MACROD1: variants seen among roughly 807,000 people sequenced by gnomAD.
The protein encoded by MACROD1 is ADP-ribose glycohydrolase MACROD1.
MACROD1 carries 31 observed loss-of-function variants against 41.4 expected under a neutral mutation model. The observed-to-expected ratio is 0.75, with a 90% CI of 0.56 to 1.01. MACROD1 has a LOEUF of 1.01. MACROD1 is among the 50% of genes least tolerant of loss of function. The pLI is 0.00. For synonymous variants in MACROD1, 252 were observed against 203.4 expected (o/e 1.24, Z -2.03); for missense variants, 473 against 460.0 (o/e 1.03, Z -0.26).
At chr11:64,003,800 C>T (rs1188288830) in intron 4 of MACROD1, among the ~76,000 whole-genome samples, 1 of 152,168 alleles carries the variant, frequency 6.6e-6, no homozygotes, top group Admixed American at 6.5e-5. Context: ...GTTTGAATGG[C>T]CCCCTGTCCA....
intron 3 of MACROD1, among the ~76,000 whole-genome samples, chr11:64,110,612 T>G (rs1254205392): frequency 6.6e-6 from 1 of 151,824 alleles, no homozygotes; most frequent in Non-Finnish European, 1.5e-5. Flanking sequence ...GGAGGAGTAA[T>G]GGACACCTAC....
intron 3 of MACROD1, among the ~76,000 whole-genome samples, chr11:64,092,633 C>T (rs1944510005): frequency 6.6e-6 from 1 of 152,250 alleles, no homozygotes; most frequent in African/African-American, 2.4e-5. Flanking sequence ...GCTGCAGGCA[C>T]GTGTGCCACT....
At chr11:64,007,557 C>A (rs1164599480) in intron 4 of MACROD1, among the ~76,000 whole-genome samples, 1 of 152,074 alleles carries the variant, frequency 6.6e-6, no homozygotes, top group Non-Finnish European at 1.5e-5. Context: ...ACAGGACCTC[C>A]CGGGAGGTGC....
intron 3 of MACROD1, among the ~76,000 whole-genome samples, chr11:64,068,507 G>C (rs1174961430): frequency 6.6e-6 from 1 of 152,226 alleles, no homozygotes; most frequent in Non-Finnish European, 1.5e-5. Flanking sequence ...TGAGGTCCTA[G>C]GATAACGATG....
At chr11:64,070,880 C>G (rs1206482265) in intron 3 of MACROD1, among the ~76,000 whole-genome samples, 1 of 152,108 alleles carries the variant, frequency 6.6e-6, no homozygotes, top group African/African-American at 2.4e-5. Flanking sequence ...ATGGGGCCCC[C>G]CTCTGGGACA....
chr11:63,999,963 C>T, intron 5 of MACROD1, 200 bp from the exon 6 acceptor site: 1 of 687,898 alleles, frequency 1.5e-6, no homozygotes, highest in Non-Finnish European at 2.4e-6. Context: ...CCCCTCCCCA[C>T]ATCTGTATGG....
intron 3 of MACROD1, among the ~76,000 whole-genome samples, chr11:64,026,468 C>T (rs1943225641): frequency 6.6e-6 from 1 of 152,226 alleles, no homozygotes; most frequent in Non-Finnish European, 1.5e-5. Context: ...CCCATGCACA[C>T]ATGCACCAGA....
At chr11:64,072,079 C>T (rs1211619263) in intron 3 of MACROD1, among the ~76,000 whole-genome samples, 2 of 152,188 alleles carry the variant, frequency 1.3e-5, no homozygotes, top group African/African-American at 4.8e-5. Context: ...GATGTGAGCC[C>T]GAATCGAATC....
intron 3 of MACROD1, among the ~76,000 whole-genome samples, chr11:64,135,702 G>A (rs1408968452): frequency 6.6e-6 from 1 of 152,180 alleles, no homozygotes; most frequent in African/African-American, 2.4e-5. Context: ...GGGGAGCAGC[G>A]CAGGGCCAGC....
intron 3 of MACROD1, among the ~76,000 whole-genome samples, chr11:64,070,568 C>G (rs910851707): frequency 6.6e-6 from 1 of 152,196 alleles, no homozygotes. Context: ...CAGGTGGGAT[C>G]CAGCCTCACC....
chr11:64,125,238 G>A (rs146343761), intron 3 of MACROD1, among the ~76,000 whole-genome samples: 1 of 152,160 alleles, frequency 6.6e-6, no homozygotes, highest in East Asian at 1.9e-4. Flanking sequence ...GTGGCCATCT[G>A]AGTGGGCACA....
intron 3 of MACROD1, among the ~76,000 whole-genome samples, chr11:64,055,731 G>A (rs1409860252): frequency 6.6e-6 from 1 of 152,228 alleles, no homozygotes; most frequent in East Asian, 1.9e-4. Context: ...GGCCATGGGA[G>A]GGAGTGGCAG....
At chr11:64,051,038 T>C (rs1943683903) in intron 3 of MACROD1, among the ~76,000 whole-genome samples, 1 of 152,158 alleles carries the variant, frequency 6.6e-6, no homozygotes. Flanking sequence ...CCTGGTAAAT[T>C]CCAAGGATTG....
At chr11:64,098,824 G>A (rs1944622266) in intron 3 of MACROD1, among the ~76,000 whole-genome samples, 1 of 152,084 alleles carries the variant, frequency 6.6e-6, no homozygotes, top group Admixed American at 6.5e-5. Flanking sequence ...ACACCACTTC[G>A]CTAAGTCACC....
intron 3 of MACROD1, chr11:64,138,461 T>C (rs1476443279): frequency 1.0e-6 from 1 of 961,024 alleles, no homozygotes; most frequent in Non-Finnish European, 1.2e-6. Context: ...GATTTTAATG[T>C]TCCTGTTTCT....
Position 64,117,833 on chromosome 11 carries a change from C to T in MACROD1, c.517+33406G>A, listed in dbSNP as rs3824854. ...ATGCCTACGTAGCTGATGAGACACC[C>T]GTGTGTGCCAAGGCAGAGACAGCCG... On this transcript the variant is annotated intron_variant, in intron 3 of 10. Coordinates refer to ENST00000255681, the MANE Select transcript of MACROD1 (RefSeq NM_014067.4). 0.17 allele frequency: 274,549 copies of T among 1,614,046 alleles called. 24,741 individuals are homozygous for T. The highest frequency in any genetic ancestry group is 0.29 in the Admixed American group (17,693 of 60,010).
chr11:64,165,986 T>TAC lies in MACROD1; in HGVS notation c.8_9insGT (p.Gln4TyrfsTer87). ...CCAGGCGGCCGGACAGTCGGCTCTG[T>TAC]AGAGACATGAGCGGGCGGCGCGGGA... On this transcript the variant is annotated frameshift_variant, in exon 1 of 11. Coordinates refer to ENST00000255681, the MANE Select transcript of MACROD1 (RefSeq NM_014067.4). LOFTEE classifies it high-confidence loss of function. 1 of 1,274,596 alleles carries TAC rather than the reference T, an allele frequency of 7.8e-7. No individual in the cohort carries two copies. The highest frequency in any genetic ancestry group is 9.9e-7 in the Non-Finnish European group (1 of 1,014,806). The allele number at this position is 1,274,596 out of a possible 1,614,324, so 79.0% of individuals were successfully genotyped here.
chr11:64,103,337 T>C (rs1944703857), intron 3 of MACROD1: 1 of 152,118 alleles, frequency 6.6e-6, no homozygotes, highest in Non-Finnish European at 1.5e-5. Context: ...ACTGAGGCCC[T>C]TGCCCCCCAA....
intron 3 of MACROD1, among the ~76,000 whole-genome samples, chr11:64,029,294 T>C (rs1943263679): frequency 6.6e-6 from 1 of 151,586 alleles, no homozygotes; most frequent in East Asian, 1.9e-4. Context: ...GGAGGGGAGA[T>C]GAGGGGGCTG....
Sources: allele counts gnomAD v4.1 joint callset (sites outside exome capture counted in the v4.1 genomes callset), GRCh38; gene constraint gnomAD v4.1.1; transcripts MANE v1.5; gene names NCBI Gene and HGNC (gene_info 2026-07-23, HGNC 2026-07-21).